Variants in GTF2A2 observed in about 807,000 individuals in gnomAD.
GTF2A2 encodes transcription initiation factor IIA subunit 2.
Under a neutral mutation model 14.3 loss-of-function variants are expected in GTF2A2, and 9 were observed. The observed-to-expected ratio is 0.63, with a 90% CI of 0.38 to 1.10. GTF2A2 has a LOEUF of 1.10. Ranked by LOEUF, GTF2A2 falls within the 50% of genes least tolerant of loss-of-function variation. The pLI, the probability that GTF2A2 is intolerant of heterozygous loss-of-function variation, is 0.01. For missense variants in GTF2A2, 90 were observed against 124.6 expected (o/e 0.72, Z 1.32); for synonymous variants, 56 against 46.0 (o/e 1.22, Z -0.88).
intron 3 of GTF2A2, among the ~76,000 whole-genome samples, chr15:59,642,996 C>T (rs1027683900): frequency 2.0e-5 from 3 of 151,634 alleles, no homozygotes; most frequent in Non-Finnish European, 4.4e-5. Context: ...CGAACTCTGA[C>T]CTCAGGTGAT....
intron 2 of GTF2A2, 50 bp downstream of exon 2, chr15:59,652,156 C>A: frequency 9.9e-7 from 1 of 1,010,352 alleles, no homozygotes. Context: ...ACAAGAATTA[C>A]TGTAAACCCA....
Position 59,652,875 on chromosome 15 carries a change from A to C in GTF2A2, c.-49-549T>G, listed in dbSNP as rs544999953. On this transcript the variant is annotated intron_variant, in intron 1 of 4. Transcript: ENST00000396060. ...AAGAACTGGGATAAAGATACAAAGC[A>C]TACCATGGAGGCTGCCTGTAGAAGT... The C allele has an allele frequency of 5.9e-5, 9 of 152,382 alleles. No homozygotes were observed. The East Asian group carries it at 1.2e-3, about 20-fold the overall frequency. The allele number at this position is 152,382 out of a possible 1,614,324, so 9.4% of individuals were successfully genotyped here.
chr15:59,644,237 C>G (rs1242629083), intron 3 of GTF2A2: 1 of 152,120 alleles, frequency 6.6e-6, no homozygotes, highest in African/African-American at 2.4e-5. Flanking sequence ...TGCATAGACA[C>G]CAACAGAATA....
intron 2 of GTF2A2, 174 bp downstream of exon 2, chr15:59,652,029 CTGT>C: frequency 2.0e-6 from 1 of 507,452 alleles, no homozygotes; most frequent in Non-Finnish European, 3.5e-6. Flanking sequence ...GTTTTGTGTC[CTGT>C]TGTCAGGACA....
chr15:59,650,875 C>A, intron 2 of GTF2A2, 102 bp from the exon 3 acceptor site: 2 of 654,834 alleles, frequency 3.1e-6, no homozygotes, highest in South Asian at 3.8e-5. Context: ...TGAGGTTAAC[C>A]AAAGCCTCTA....
intron 4 of GTF2A2, among the ~76,000 whole-genome samples, chr15:59,641,584 T>TAATC (rs1308778182): frequency 6.6e-6 from 1 of 152,152 alleles, no homozygotes; most frequent in African/African-American, 2.4e-5. Flanking sequence ...GGAAATAAAC[T>TAATC]AATCATGAAA....
chr15:59,654,326 G>A (rs1891881178), intron 1 of GTF2A2, among the ~76,000 whole-genome samples: 1 of 152,148 alleles, frequency 6.6e-6, no homozygotes, highest in Admixed American at 6.5e-5. Flanking sequence ...GATCCTGCTT[G>A]AGGGCCTTTG....
At chr15:59,656,837 A>G (rs1891958951) in intron 1 of GTF2A2, 1 of 152,222 alleles carries the variant, frequency 6.6e-6, no homozygotes, top group African/African-American at 2.4e-5. Flanking sequence ...TTCCTTGTTA[A>G]GTGTTCTAAT....
At chr15:59,643,857 C>A (rs1226639650) in intron 3 of GTF2A2, among the ~76,000 whole-genome samples, 1 of 151,586 alleles carries the variant, frequency 6.6e-6, no homozygotes, top group Non-Finnish European at 1.5e-5. Context: ...CTTGGCCTCC[C>A]AAAGTTTTGG....
intron 3 of GTF2A2, among the ~76,000 whole-genome samples, chr15:59,642,714 G>A (rs1169948052): frequency 1.3e-5 from 2 of 152,082 alleles, no homozygotes; most frequent in East Asian, 1.9e-4. Context: ...TTACTGCATC[G>A]GTCACTAAGA....
chr15:59,640,323 C>CT (rs1254632293), intron 4 of GTF2A2: 2 of 152,168 alleles, frequency 1.3e-5, no homozygotes, highest in African/African-American at 4.8e-5. Flanking sequence ...AAATACGTAT[C>CT]TTTACATGGA....
At chr15:59,653,829 A>T (rs1339170828) in intron 1 of GTF2A2, among the ~76,000 whole-genome samples, 3 of 152,198 alleles carry the variant, frequency 2.0e-5, no homozygotes, top group East Asian at 3.8e-4. Context: ...CTCTGTCCTC[A>T]GTCTTACCCA....
chr15:59,651,080 A>G (rs1175023359), intron 2 of GTF2A2: 2 of 209,872 alleles, frequency 9.5e-6, no homozygotes, highest in African/African-American at 4.6e-5. Context: ...TGTTTCTTTT[A>G]AATACACAGG....
chr15:59,647,173 G>A (rs774596552), intron 3 of GTF2A2, among the ~76,000 whole-genome samples: 15 of 152,028 alleles, frequency 9.9e-5, no homozygotes, highest in Non-Finnish European at 2.1e-4. Context: ...GCTCACTGCA[G>A]CCACAACCTC....
intron 3 of GTF2A2, 47 bp from the exon 4 acceptor site, chr15:59,642,309 C>A (rs1394449834): frequency 1.3e-6 from 2 of 1,527,310 alleles, no homozygotes; most frequent in Non-Finnish European, 1.8e-6. Flanking sequence ...TTTTTCCCCT[C>A]ACATTTTTCT....
rs143673356 is a variant in GTF2A2, at chr15:59,648,982, A to G, written c.177+1687T>C. Among the ~76,000 whole-genome samples the G allele has an allele frequency of 5.3e-3, 805 of 152,234 alleles. 1 individual carries two copies. Among genetic ancestry groups the G allele is most frequent in the Middle Eastern group, 0.014 (4 of 294 alleles). On this transcript the variant is annotated intron_variant, in intron 3 of 4. Transcript: ENST00000396060. ...AAAAAAAACTATAAAACAATTTAAC[A>G]TGCTATATAGGATTATTCTATTCTT...
intron 3 of GTF2A2, among the ~76,000 whole-genome samples, chr15:59,643,789 G>GT: frequency 6.7e-6 from 1 of 150,036 alleles, no homozygotes; most frequent in Non-Finnish European, 1.5e-5. Context: ...AGTAGAGATG[G>GT]GTTTCACCAT....
chr15:59,639,308 T>TGTAAATATGTTGAACTTCA, intron 4 of GTF2A2, 151 bp from the exon 5 acceptor site: 1 of 638,500 alleles, frequency 1.6e-6, no homozygotes, highest in Admixed American at 2.7e-5. Flanking sequence ...AAGGTGACAC[T>TGTAAATATGTTGAACTTCA]GTAAATATGT....
intron 3 of GTF2A2, among the ~76,000 whole-genome samples, chr15:59,648,830 G>A (rs999556834): frequency 3.3e-5 from 5 of 151,732 alleles, no homozygotes; most frequent in South Asian, 4.2e-4. Flanking sequence ...GCTACTCGGG[G>A]GGCTGAGGCA....
Sources: allele counts gnomAD v4.1 joint callset (sites outside exome capture counted in the v4.1 genomes callset), GRCh38; gene constraint gnomAD v4.1.1; transcripts MANE v1.5; gene names NCBI Gene and HGNC (gene_info 2026-07-23, HGNC 2026-07-21).